ZFP14: variants seen among roughly 807,000 people sequenced by gnomAD.
ZFP14 encodes zinc finger protein 14 homolog.
A neutral mutation model predicts 54.5 loss-of-function variants in ZFP14; 22 were observed. The ratio of observed to expected loss-of-function variants is 0.40; its 90% CI spans 0.29 to 0.58. The LOEUF (loss-of-function observed/expected upper bound fraction) is 0.58. ZFP14 is among the 20% of genes least tolerant of loss of function. The probability of loss-of-function intolerance (pLI) is 0.39; values close to 1 mark genes in which losing one functional copy is unlikely to be tolerated. For synonymous variants in ZFP14, 159 were observed against 204.0 expected, an observed-to-expected ratio of 0.78 and a Z score of 1.88; for missense variants, 470 against 637.8, an observed-to-expected ratio of 0.74 and a Z score of 2.83.
In ZFP14 at chr19:36,349,257, CAAAAAAAAA is replaced by C. The variant is rs1171155676; in HGVS notation, c.236-7676_236-7668del. On this transcript the variant is annotated intron_variant, in intron 4 of 4. Coordinates refer to ENST00000270001, the MANE Select transcript of ZFP14 (RefSeq NM_020917.3). ...AAAAAAAAAAACAAAAAAAAAAAAACAAAAAAAAAAAAACAGGAAGAACATAATTTCTCC... is the reference window on the plus strand; with the variant it reads ...AAAAAAAAAAACAAAAAAAAAAAAACAAAACAGGAAGAACATAATTTCTCC... Among the ~76,000 whole-genome samples the C allele has an allele frequency of 3.2e-3, 134 of 42,246 alleles. 3 individuals are homozygous for C. The highest frequency in any genetic ancestry group is 0.013 in the African/African-American group (117 of 9,040). 27.7% of individuals were successfully genotyped at this position (42,246 alleles called of 152,430 possible). A position where few individuals can be genotyped will look rare whatever the true frequency, so the allele number is the denominator to read the frequency against.
At chr19:36,361,444 T>C (rs1295400858) in intron 3 of ZFP14, among the ~76,000 whole-genome samples, 1 of 151,830 alleles carries the variant, frequency 6.6e-6, no homozygotes, top group Non-Finnish European at 1.5e-5. Flanking sequence ...TTCACCATGA[T>C]GGCCAGGCTG....
chr19:36,340,186 G>A lies in ZFP14; in HGVS notation c.*38C>T. ...TTTTCTCAAAAATGAATTTTCTGAT[G>A]TTCTGTAACATCATATACATTTGAA... On this transcript the variant is annotated 3_prime_UTR_variant, in exon 5 of 5. Coordinates refer to ENST00000270001, the MANE Select transcript of ZFP14 (RefSeq NM_020917.3). This position sits in a 1 kb window ranked among gnomAD's most constrained non-coding sequence, Gnocchi z 5.4. 2 of 1,487,908 alleles carry A rather than the reference G, an allele frequency of 1.3e-6. No homozygotes were observed. The highest frequency in any genetic ancestry group is 8.9e-7 in the Non-Finnish European group (1 of 1,118,616). The allele number at this position is 1,487,908 out of a possible 1,614,324, so 92.2% of individuals were successfully genotyped here.
rs147792842 is a variant in ZFP14, at chr19:36,343,432, A to G, written c.236-1842T>C. 3.3e-5 allele frequency among the ~76,000 whole-genome samples: 5 copies of G among 152,126 alleles called. No homozygotes were observed. In the East Asian group the frequency reaches 7.7e-4, roughly 23 times the overall value. ...GTTCCAAATAAATAGGACTCTTCACAGGCTGCTCCTTCTTTGAGGAATCCT... is the reference window on the plus strand; with the variant it reads ...GTTCCAAATAAATAGGACTCTTCACGGGCTGCTCCTTCTTTGAGGAATCCT... On this transcript the variant is annotated intron_variant, in intron 4 of 4. Coordinates refer to ENST00000270001, the MANE Select transcript of ZFP14 (RefSeq NM_020917.3).
chr19:36,373,655 T>A (rs1331725552), intron 1 of ZFP14, among the ~76,000 whole-genome samples: 1 of 152,144 alleles, frequency 6.6e-6, no homozygotes, highest in East Asian at 1.9e-4. Context: ...GATAAATACA[T>A]GTAATTTTAT....
At chr19:36,366,201 G>C (rs2031791865) in intron 2 of ZFP14, among the ~76,000 whole-genome samples, 2 of 151,926 alleles carry the variant, frequency 1.3e-5, no homozygotes, top group African/African-American at 2.4e-5. Flanking sequence ...CCAGAAAGCG[G>C]AGGTTGCAGT....
Position 36,341,205 on chromosome 19 carries a change from C to A in ZFP14, c.621G>T (p.Gln207His). The change falls in exon 5 of 5, where the codon CAG becomes CAT. Residue 207 changes from glutamine (Q) to histidine (H), a missense_variant. Physicochemically the swap from Gln to His is conservative, Grantham distance 24 (BLOSUM62 0). Transcript: ENST00000270001. This position sits in a 1 kb window ranked among gnomAD's most constrained non-coding sequence, Gnocchi z 4.2. The part of the protein sequence containing the change: ...EKPYKCKECG[Q>H]AFRQRAHLIR... The stretch of plus-strand genomic sequence containing the variant: ...TAAGATGTGCACGCTGTCTAAAGGC[C>A]TGCCCACATTCCTTACACTTATAAG... 1 of 1,614,142 alleles carries A rather than the reference C, an allele frequency of 6.2e-7. No individual in the cohort carries two copies. The highest frequency in any genetic ancestry group is 8.5e-7 in the Non-Finnish European group (1 of 1,180,030).
At position 36,341,143 on chromosome 19, in the gene ZFP14, T is replaced by G; in HGVS notation, c.683A>C (p.Tyr228Ser). The change falls in exon 5 of 5, where the codon TAT (tyrosine) becomes TCT (serine). Residue 228 changes from tyrosine (Y) to serine (S), a missense_variant. Tyr to Ser is a moderately radical substitution (Grantham distance 144, BLOSUM62 -2). Coordinates refer to ENST00000270001, the MANE Select transcript of ZFP14 (RefSeq NM_020917.3). This position sits in a 1 kb window ranked among gnomAD's most constrained non-coding sequence, Gnocchi z 4.2. ...HHKLHTGEKPYECKECGKAFT... is the reference protein window; with the variant it reads ...HHKLHTGEKPSECKECGKAFT... The stretch of plus-strand genomic sequence containing the variant: ...GGCCTTCCCACACTCCTTACATTCA[T>G]AGGGTTTCTCACCGGTGTGAAGTTT... 1 of 1,614,176 alleles carries G rather than the reference T, an allele frequency of 6.2e-7. No homozygotes were observed. The highest frequency in any genetic ancestry group is 8.5e-7 in the Non-Finnish European group (1 of 1,180,006).
intron 2 of ZFP14, among the ~76,000 whole-genome samples, chr19:36,367,069 G>T (rs1477306604): frequency 1.3e-5 from 2 of 151,634 alleles, no homozygotes; most frequent in African/African-American, 4.8e-5. Flanking sequence ...CAGGAGAATT[G>T]CTTGAACCCA....
intron 1 of ZFP14, among the ~76,000 whole-genome samples, chr19:36,369,093 C>T (rs1178402905): frequency 6.6e-6 from 1 of 152,300 alleles, no homozygotes; most frequent in Non-Finnish European, 1.5e-5. Context: ...CCGCCCGCCT[C>T]GGCCTCCCAA....
At chr19:36,364,501 C>T (rs1230540744) in intron 2 of ZFP14, among the ~76,000 whole-genome samples, 1 of 152,116 alleles carries the variant, frequency 6.6e-6, no homozygotes, top group Non-Finnish European at 1.5e-5. Context: ...CATAGGAGAA[C>T]TAGCTGGGTA....
chr19:36,340,893 G>C lies in ZFP14; in HGVS notation c.933C>G (p.Leu311=). Residue 311 remains leucine (L), a synonymous_variant, in exon 5 of 5, where the codon CTC becomes CTG. Coordinates refer to ENST00000270001, the MANE Select transcript of ZFP14 (RefSeq NM_020917.3). The surrounding 1 kb of genome is among the most constrained non-coding windows in gnomAD (Gnocchi z 5.4). ...RHQRLHTAEK[L]YECKECGKAF... ...CTTTCCCACATTCCTTACATTCATA[G>C]AGCTTTTCAGCAGTATGAAGTCTCT... The C allele has an allele frequency of 6.2e-7, 1 of 1,613,736 alleles. No homozygotes were observed. Among genetic ancestry groups the C allele is most frequent in the Non-Finnish European group, 8.5e-7 (1 of 1,179,982 alleles).
chr19:36,376,442 A>G (rs2031963529), intron 1 of ZFP14, among the ~76,000 whole-genome samples: 1 of 151,948 alleles, frequency 6.6e-6, no homozygotes, highest in South Asian at 2.1e-4. Flanking sequence ...GCTACTTGGG[A>G]GGCTGAGGTA....
intron 1 of ZFP14, chr19:36,378,156 A>C (rs1386299088): frequency 6.6e-6 from 1 of 152,238 alleles, no homozygotes; most frequent in Admixed American, 6.5e-5. Flanking sequence ...GATTCTAAGG[A>C]GGATCTAATG....
In ZFP14 at chr19:36,348,741, C is replaced by T. The variant is rs149887025; in HGVS notation, c.236-7151G>A. Reference sequence around the variant, plus strand: ...GAACTCCAGAGTCAGGATTTGACCCCGCCTGTGCTGCAACCTTCTGGGACC... The same window carrying T: ...GAACTCCAGAGTCAGGATTTGACCCTGCCTGTGCTGCAACCTTCTGGGACC... On this transcript the variant is annotated intron_variant, in intron 4 of 4. Transcript: ENST00000270001. Among the ~76,000 whole-genome samples, 21 of 152,154 alleles carry T rather than the reference C, an allele frequency of 1.4e-4. No individual in the cohort carries two copies. In the East Asian group the frequency reaches 3.9e-3, roughly 28 times the overall value.
Position 36,367,869 on chromosome 19 carries a change from G to C in ZFP14, c.9+15C>G. On this transcript the variant is annotated intron_variant, in intron 2 of 4. Coordinates refer to ENST00000270001, the MANE Select transcript of ZFP14 (RefSeq NM_020917.3). ...TTGACAGTATTTCGAAAAGGACAGA[G>C]AAACATTAACTTACATGGGCCATGG... 1.9e-6 allele frequency: 3 copies of C among 1,611,170 alleles called. No individual in the cohort carries two copies. The highest frequency in any genetic ancestry group is 2.5e-6 in the Non-Finnish European group (3 of 1,178,802).
intron 4 of ZFP14, among the ~76,000 whole-genome samples, chr19:36,357,098 A>G (rs1383303750): frequency 6.6e-6 from 1 of 152,196 alleles, no homozygotes; most frequent in Non-Finnish European, 1.5e-5. Flanking sequence ...GCTGGAGTGC[A>G]GCGGTGTGAT....
intron 4 of ZFP14, 136 bp downstream of exon 4, chr19:36,360,297 AAG>A: frequency 1.9e-6 from 1 of 540,536 alleles, no homozygotes; most frequent in Non-Finnish European, 3.0e-6. Context: ...AATTTGCTTC[AAG>A]TCCCAAGCCC....
intron 4 of ZFP14, among the ~76,000 whole-genome samples, chr19:36,343,963 A>G (rs1451934966): frequency 1.3e-5 from 2 of 152,174 alleles, no homozygotes; most frequent in African/African-American, 4.8e-5. Context: ...TGAGTTTTGG[A>G]GGAGACAAAC....
chr19:36,366,106 A>G (rs888878459), intron 2 of ZFP14, among the ~76,000 whole-genome samples: 2 of 151,950 alleles, frequency 1.3e-5, no homozygotes, highest in African/African-American at 4.8e-5. Context: ...CTCTACAAAA[A>G]AAAACACAAA....
Sources: gnomAD v4.1 joint callset for allele counts (sites outside exome capture counted in the v4.1 genomes callset) on GRCh38, gnomAD v4.1.1 for gene constraint, Gnocchi (gnomAD v3.1) non-coding constraint, MANE v1.5 for transcripts, NCBI Gene and HGNC (gene_info 2026-07-23, HGNC 2026-07-21) for gene names.